Variants in ITCH observed in about 807,000 individuals in gnomAD.
The protein encoded by ITCH is E3 ubiquitin-protein ligase Itchy homolog.
In ITCH, 28 loss-of-function variants were observed where a neutral mutation model predicts 126.8. The ratio of observed to expected loss-of-function variants is 0.22; its 90% CI spans 0.16 to 0.30. ITCH has a LOEUF of 0.30. ITCH is among the 10% of genes least tolerant of loss of function. ITCH has a pLI of 1.00. For synonymous variants in ITCH, 342 were observed against 340.0 expected (o/e 1.01, Z -0.06); for missense variants, 631 against 1,032.4 (o/e 0.61, Z 5.33).
chr20:34,407,409 G>C (rs1231502299), intron 3 of ITCH, among the ~76,000 whole-genome samples: 1 of 152,078 alleles, frequency 6.6e-6, no homozygotes, highest in Non-Finnish European at 1.5e-5. Context: ...TGGGATTACA[G>C]GCGCCTGCCA....
intron 3 of ITCH, among the ~76,000 whole-genome samples, chr20:34,402,973 C>G (rs1162417107): frequency 6.6e-6 from 1 of 151,814 alleles, no homozygotes; most frequent in Non-Finnish European, 1.5e-5. Context: ...ATATTTAGCT[C>G]TGATTGTTCA....
intron 20 of ITCH, among the ~76,000 whole-genome samples, chr20:34,486,383 C>T (rs910784387): frequency 6.7e-6 from 1 of 148,642 alleles, no homozygotes; most frequent in African/African-American, 2.5e-5. Flanking sequence ...TGGAGTGCAG[C>T]GGTACAATCT....
chr20:34,478,615 A>G (rs1208222843), intron 17 of ITCH, among the ~76,000 whole-genome samples: 1 of 152,194 alleles, frequency 6.6e-6, no homozygotes, highest in Non-Finnish European at 1.5e-5. Context: ...AAGAATATTA[A>G]TATCTACATT....
intron 6 of ITCH, 118 bp from the exon 7 acceptor site, chr20:34,424,362 A>G (rs554983152): frequency 3.8e-6 from 3 of 790,168 alleles, no homozygotes; most frequent in East Asian, 2.5e-5. Context: ...AAGTTATAGT[A>G]TGTTCTTTAT....
At chr20:34,371,279 C>CTTTTT (rs770951963) in intron 2 of ITCH, among the ~76,000 whole-genome samples, 28 of 118,444 alleles carry the variant, frequency 2.4e-4, no homozygotes, top group Non-Finnish European at 2.8e-4. Context: ...ATCACTTCTT[C>CTTTTT]TTTTTTTTTT....
intron 20 of ITCH, among the ~76,000 whole-genome samples, chr20:34,488,843 G>A (rs1989318601): frequency 1.3e-5 from 2 of 152,150 alleles, no homozygotes; most frequent in African/African-American, 2.4e-5. Flanking sequence ...TTTAAAACCA[G>A]CCTTGGCATC....
chr20:34,476,174 C>T (rs1988197811), intron 16 of ITCH: 1 of 801,866 alleles, frequency 1.2e-6, no homozygotes, highest in East Asian at 2.4e-5. Flanking sequence ...CCAAAGCCAT[C>T]AATATCTGGA....
intron 2 of ITCH, among the ~76,000 whole-genome samples, chr20:34,374,447 A>G (rs1199979597): frequency 6.6e-6 from 1 of 152,198 alleles, no homozygotes. Flanking sequence ...GCATATATAC[A>G]TAGGTATTAT....
rs771333877 is a variant in ITCH at position 34,393,799 on chromosome 20, A to G, written c.-13A>G. 14 of 1,609,210 alleles carry G rather than the reference A, an allele frequency of 8.7e-6. No homozygotes were observed. Among genetic ancestry groups the G allele is most frequent in the Admixed American group, 1.7e-5 (1 of 60,004 alleles). On this transcript the variant is annotated 5_prime_UTR_variant, in exon 3 of 25. Transcript: ENST00000374864. ...TCCTTTGCCATGTTCAGGTTTTCCA[A>G]CCTATTGGTGGTATGTCTGACAGTG...
intron 3 of ITCH, among the ~76,000 whole-genome samples, chr20:34,396,622 C>T (rs2146087244): frequency 6.6e-6 from 1 of 151,988 alleles, no homozygotes; most frequent in East Asian, 1.9e-4. Context: ...GATCGTGCCA[C>T]CTCAGCCTTC....
chr20:34,382,760 T>G (rs1419636908), intron 2 of ITCH, among the ~76,000 whole-genome samples: 1 of 92,402 alleles, frequency 1.1e-5, no homozygotes, highest in African/African-American at 4.2e-5. Flanking sequence ...TATTATTATT[T>G]TGAGACAGAG....
At chr20:34,413,985 A>G in intron 6 of ITCH, 106 bp downstream of exon 6, 3 of 1,051,532 alleles carry the variant, frequency 2.9e-6, no homozygotes, top group South Asian at 2.9e-5. Flanking sequence ...GATTAATAAA[A>G]TGTTTTTTTC....
At chr20:34,399,202 G>A (rs557810526) in intron 3 of ITCH, among the ~76,000 whole-genome samples, 27 of 152,196 alleles carry the variant, frequency 1.8e-4, no homozygotes, top group African/African-American at 6.3e-4. Context: ...AGACCAGCCT[G>A]AGCAACATGG....
intron 23 of ITCH, among the ~76,000 whole-genome samples, chr20:34,501,581 GC>G (rs1990247537): frequency 6.6e-6 from 1 of 152,116 alleles, no homozygotes; most frequent in African/African-American, 2.4e-5. Context: ...TTCGAGACCA[GC>G]CTGACCAACA....
chr20:34,395,623 A>G (rs1346774103), intron 3 of ITCH, among the ~76,000 whole-genome samples: 1 of 152,184 alleles, frequency 6.6e-6, no homozygotes, highest in Admixed American at 6.5e-5. Flanking sequence ...TAACCCATCC[A>G]TCCACAAACC....
chr20:34,446,046 A>G (rs151156672), intron 11 of ITCH, among the ~76,000 whole-genome samples: 20 of 152,332 alleles, frequency 1.3e-4, no homozygotes, highest in African/African-American at 4.3e-4. Flanking sequence ...TTTCCTGTAG[A>G]GCAATATTGC....
At chr20:34,402,193 G>T in intron 3 of ITCH, 1 of 1,406,526 alleles carries the variant, frequency 7.1e-7, no homozygotes, top group South Asian at 1.2e-5. Flanking sequence ...GGAGGTTCCA[G>T]GGCAGCCAAT....
intron 2 of ITCH, among the ~76,000 whole-genome samples, chr20:34,373,159 A>C (rs544519697): frequency 6.6e-6 from 1 of 151,854 alleles, no homozygotes; most frequent in Non-Finnish European, 1.5e-5. Flanking sequence ...TTTTTACTAG[A>C]GATAGGGTTT....
intron 15 of ITCH, among the ~76,000 whole-genome samples, chr20:34,471,198 A>T (rs1007145494): frequency 1.3e-5 from 2 of 152,202 alleles, no homozygotes; most frequent in Admixed American, 1.3e-4. Flanking sequence ...GATTTATTTG[A>T]CACATTATTA....
Sources: gnomAD v4.1 joint callset for allele counts (sites outside exome capture counted in the v4.1 genomes callset) on GRCh38, gnomAD v4.1.1 for gene constraint, MANE v1.5 for transcripts, NCBI Gene and HGNC (gene_info 2026-07-23, HGNC 2026-07-21) for gene names.